The following GFAP variants were observed in gnomAD, a reference collection of about 807,000 sequenced individuals.
GFAP encodes the protein intermediate filament protein.
Under a neutral mutation model 49.3 loss-of-function variants are expected in GFAP, and 38 were observed. The ratio of observed to expected loss-of-function variants is 0.77; its 90% CI spans 0.60 to 1.01. The LOEUF is 1.01. GFAP is among the 50% of genes least tolerant of loss of function. The pLI is 0.00. For synonymous variants in GFAP, 222 were observed against 236.4 expected, an observed-to-expected ratio of 0.94 and a Z score of 0.56; for missense variants, 463 against 579.1, an observed-to-expected ratio of 0.80 and a Z score of 2.06.
intron 7 of GFAP, 101 bp downstream of exon 7, chr17:44,910,514 C>T: frequency 6.4e-7 from 1 of 1,552,834 alleles, no homozygotes; most frequent in Non-Finnish European, 8.7e-7. Flanking sequence ...AGAGCTGGAT[C>T]CCTTTGCCCT....
intron 7 of GFAP, 63 bp from the exon 8 acceptor site, chr17:44,908,212 G>T: frequency 3.4e-6 from 4 of 1,168,794 alleles, no homozygotes; most frequent in Non-Finnish European, 3.9e-6. Flanking sequence ...CCTCTCCCAT[G>T]CCCGGCTTCC....
intron 1 of GFAP, chr17:44,914,384 C>T (rs926576627): frequency 2.7e-5 from 12 of 446,394 alleles, no homozygotes; most frequent in Non-Finnish European, 4.5e-5. Flanking sequence ...CACACACACA[C>T]GCACATGTCC....
rs1342983291 is a variant in GFAP, at chr17:44,903,750, TAGC to T, written c.*3594_*3596del. 4 of 1,467,290 alleles carry T rather than the reference TAGC, an allele frequency of 2.7e-6. No homozygotes were observed. The African/African-American group carries it at 4.3e-5, about 16-fold the overall frequency. The allele number at this position is 1,467,290 out of a possible 1,614,324, so 90.9% of individuals were successfully genotyped here. A position where few individuals can be genotyped will look rare whatever the true frequency, so the allele number is the denominator to read the frequency against. On this transcript the variant is annotated 3_prime_UTR_variant, in exon 9 of 9. Coordinates refer to ENST00000588735, the MANE Select transcript of GFAP (RefSeq NM_002055.5). ...CTTTCCTCATCTAGAGGCTTCCGCT[TAGC>T]AGAGCTTTCTAGGAGCCCTATGAGC... is the stretch of plus-strand genomic sequence containing the variant.
Position 44,913,262 on chromosome 17 carries a change from G to C in GFAP, c.780+7C>G. 3.1e-6 allele frequency: 5 copies of C among 1,613,938 alleles called. No homozygotes were observed. Among genetic ancestry groups the C allele is most frequent in the Non-Finnish European group, 4.2e-6 (5 of 1,179,854 alleles). ...GAGGAGGCAGGCTGGCCCACAGGCA[G>C]GGCTACCTTGGAGCGGTACCACTCT... On this transcript the variant is annotated splice_region_variant and intron_variant, in intron 4 of 8. Transcript: ENST00000588735.
Position 44,905,940 on chromosome 17 carries a change from T to C in GFAP, c.*1407A>G, listed in dbSNP as rs1461693137. The C allele has an allele frequency of 3.9e-5, 6 of 152,300 alleles. No homozygotes were observed. The highest frequency in any genetic ancestry group is 7.3e-5 in the Non-Finnish European group (5 of 68,102). The allele number at this position is 152,300 out of a possible 1,614,324, so 9.4% of individuals were successfully genotyped here. A position where few individuals can be genotyped will look rare whatever the true frequency, so the allele number is the denominator to read the frequency against. On this transcript the variant is annotated 3_prime_UTR_variant, in exon 9 of 9. Coordinates refer to ENST00000588735, the MANE Select transcript of GFAP (RefSeq NM_002055.5). ...ACCCGGCCTCCAGGCTGCAGGAATA[T>C]GAGCCAGTGTCTTCACTTTGCTCGT...
At chr17:44,909,857 G>C (rs981276740) in intron 7 of GFAP, 6 of 1,274,624 alleles carry the variant, frequency 4.7e-6, no homozygotes, top group Non-Finnish European at 4.0e-6. Context: ...GACAGGAAGA[G>C]GTGAGACAGA....
At position 44,906,802 on chromosome 17, in the gene GFAP, G is replaced by A. The variant is rs992451463; in HGVS notation, c.*545C>T. Reference sequence around the variant, plus strand: ...AGCCCAGGAGTTCAAGGTCAGCCTAGGCAGCATAGGGATATCCCACCTCAT... The same window carrying A: ...AGCCCAGGAGTTCAAGGTCAGCCTAAGCAGCATAGGGATATCCCACCTCAT... On this transcript the variant is annotated 3_prime_UTR_variant, in exon 9 of 9. Coordinates refer to ENST00000588735, the MANE Select transcript of GFAP (RefSeq NM_002055.5). 1.5e-5 allele frequency: 3 copies of A among 203,976 alleles called. No individual in the cohort carries two copies. In the East Asian group the frequency reaches 3.6e-4, roughly 25 times the overall value. 12.6% of individuals were successfully genotyped at this position (203,976 alleles called of 1,614,324 possible).
In GFAP at chr17:44,914,019, C is replaced by T. The variant is rs1336682081; in HGVS notation, c.522+9G>A. The T allele has an allele frequency of 3.2e-6, 5 of 1,552,550 alleles. No homozygotes were observed. In the Admixed American group the frequency reaches 9.6e-5, roughly 30 times the overall value. On this transcript the variant is annotated intron_variant, in intron 2 of 8. Transcript: ENST00000588735. ...TCCCTCCCCTGCCCCTCCCCTCCACCTCCCTGACCTGTCTATAGGCAGCCA... is the reference window on the plus strand; with the variant it reads ...TCCCTCCCCTGCCCCTCCCCTCCACTTCCCTGACCTGTCTATAGGCAGCCA...
intron 7 of GFAP, chr17:44,909,887 G>A (rs2051718100): frequency 4.5e-6 from 6 of 1,327,684 alleles, no homozygotes; most frequent in Non-Finnish European, 5.8e-6. Flanking sequence ...TTGCTCAGAG[G>A]CCCCAGAGCA....
In GFAP at chr17:44,903,507, C is replaced by A; in HGVS notation, c.*3840G>T. ...ATCTCCCTGCCCGAGCACCTCGGCCCGCCCTTCTCATTCCGGTTTCCTTTG... is the reference window on the plus strand; with the variant it reads ...ATCTCCCTGCCCGAGCACCTCGGCCAGCCCTTCTCATTCCGGTTTCCTTTG... On this transcript the variant is annotated 3_prime_UTR_variant, in exon 9 of 9. Transcript: ENST00000588735. 7.8e-7 allele frequency: 1 copy of A among 1,282,238 alleles called. No individual in the cohort carries two copies. Among genetic ancestry groups the A allele is most frequent in the Non-Finnish European group, 9.8e-7 (1 of 1,018,080 alleles). 79.4% of individuals were successfully genotyped at this position (1,282,238 alleles called of 1,614,324 possible). A position where few individuals can be genotyped will look rare whatever the true frequency, so the allele number is the denominator to read the frequency against.
rs370807952 is a variant in GFAP, at chr17:44,915,094, G to A, written c.393C>T (p.Thr131=). 1.0e-4 allele frequency: 168 copies of A among 1,613,472 alleles called. 1 individual carries two copies. Among genetic ancestry groups the A allele is most frequent in the Middle Eastern group, 1.6e-4 (1 of 6,078 alleles). ...RELRLRLDQL[T]ANSARLEVER... ...CAACCTCCAGCCGGGCGCTGTTGGC[G>A]GTGAGTTGATCGAGCCGCAGCCGCA... is the stretch of plus-strand genomic sequence containing the variant. Residue 131 remains threonine (T), a synonymous_variant, in exon 1 of 9, where the codon ACC becomes ACT. Transcript: ENST00000588735. This position sits in a 1 kb window ranked among gnomAD's most constrained non-coding sequence, Gnocchi z 4.1.
chr17:44,914,270 G>A (rs1185787512), intron 1 of GFAP, 182 bp from the exon 2 acceptor site: 2 of 601,804 alleles, frequency 3.3e-6, no homozygotes, highest in Admixed American at 5.8e-5. Flanking sequence ...AGCAGATGTG[G>A]GCTTTTGCCT....
intron 4 of GFAP, chr17:44,912,816 G>A (rs764581339): frequency 7.5e-5 from 19 of 253,890 alleles, no homozygotes; most frequent in South Asian, 4.0e-4. Context: ...GGGGTGCCTG[G>A]CATATGGTAG....
At position 44,911,773 on chromosome 17, in the gene GFAP, C is replaced by A. The variant is rs201784046; in HGVS notation, c.805G>T (p.Ala269Ser). 7.4e-6 allele frequency: 12 copies of A among 1,613,736 alleles called. No homozygotes were observed. In the Admixed American group the frequency reaches 8.3e-5, roughly 11 times the overall value. ...TGGCGGAGCAGCTCCGCGTTGCGGG[C>A]AGCAGCGTCTGTCAGGTCTGCAAAC... Reference protein sequence around the residue: ...SKFADLTDAAARNAELLRQAK... With the variant: ...SKFADLTDAASRNAELLRQAK... Residue 269 changes from alanine (A) to serine (S), a missense_variant, in exon 5 of 9, where the codon GCC becomes TCC. By Grantham distance (99) the Ala-to-Ser change is moderately conservative. Coordinates refer to ENST00000588735, the MANE Select transcript of GFAP (RefSeq NM_002055.5).
At chr17:44,908,425 A>T (rs1286907214) in intron 7 of GFAP, 3 of 376,260 alleles carry the variant, frequency 8.0e-6, no homozygotes, top group Non-Finnish European at 1.5e-5. Flanking sequence ...AAAACCCAGC[A>T]CGGTATTGAA....
Position 44,904,579 on chromosome 17 carries a change from G to C in GFAP, c.*2768C>G, listed in dbSNP as rs1394390144. 10 of 1,550,598 alleles carry C rather than the reference G, an allele frequency of 6.4e-6. No individual in the cohort carries two copies. Among genetic ancestry groups the C allele is most frequent in the Non-Finnish European group, 8.7e-6 (10 of 1,146,996 alleles). The stretch of plus-strand genomic sequence containing the variant: ...CCTGTGAGAAGACAAAGACCATCCG[G>C]GAGGGCGTGCTGGCCATCATTAACT... On this transcript the variant is annotated 3_prime_UTR_variant, in exon 9 of 9. Transcript: ENST00000588735.
chr17:44,910,365 C>T (rs2145630876), intron 7 of GFAP: 2 of 1,610,086 alleles, frequency 1.2e-6, no homozygotes, highest in South Asian at 1.1e-5. Context: ...TCACCCAGTT[C>T]TGCTGTCGAA....
intron 4 of GFAP, among the ~76,000 whole-genome samples, 172 bp from the exon 5 acceptor site, chr17:44,911,969 T>C (rs2051783209): frequency 6.6e-6 from 1 of 152,134 alleles, no homozygotes; most frequent in Non-Finnish European, 1.5e-5. Flanking sequence ...CTGCCAGACC[T>C]CAGCACCTAG....
In GFAP at chr17:44,911,421, C is replaced by T. The variant is rs997950034; in HGVS notation, c.942G>A (p.Glu314=). The part of the protein sequence containing the change: ...ESLERQMREQ[E]ERHVREAASY... The stretch of plus-strand genomic sequence containing the variant: ...TGGCCGCCTCCCGCACGTGCCGCTC[C>T]TCCTGCTCGCGCATCTGCCTCTCCA... Residue 314 remains glutamate (E), a synonymous_variant, in exon 6 of 9, where the codon GAG becomes GAA. Coordinates refer to ENST00000588735, the MANE Select transcript of GFAP (RefSeq NM_002055.5). 1.9e-6 allele frequency: 3 copies of T among 1,611,998 alleles called. No individual in the cohort carries two copies. Among genetic ancestry groups the T allele is most frequent in the African/African-American group, 1.3e-5 (1 of 74,912 alleles).
Sources: allele counts gnomAD v4.1 joint callset (sites outside exome capture counted in the v4.1 genomes callset), GRCh38; gene constraint gnomAD v4.1.1; non-coding constraint Gnocchi (gnomAD v3.1); transcripts MANE v1.5; gene names NCBI Gene and HGNC (gene_info 2026-07-23, HGNC 2026-07-21).